The following ARTN variants were observed in gnomAD, a reference collection of about 807,000 sequenced individuals.
ARTN encodes neublastin.
Under a neutral mutation model 15.4 loss-of-function variants are expected in ARTN, and 9 were observed. The observed-to-expected ratio is 0.58, with a 90% CI of 0.35 to 1.02. ARTN has a LOEUF of 1.02. Ranked by LOEUF, ARTN falls within the 50% of genes least tolerant of loss-of-function variation. The probability of loss-of-function intolerance (pLI) is 0.02; values close to 1 mark genes in which losing one functional copy is unlikely to be tolerated. For synonymous variants in ARTN, 163 were observed against 155.8 expected, an observed-to-expected ratio of 1.05 and a Z score of -0.35; for missense variants, 284 against 327.9, an observed-to-expected ratio of 0.87 and a Z score of 1.03.
chr1:43,935,100 G>A (rs2085077431), intron 2 of ARTN, among the ~76,000 whole-genome samples: 1 of 152,210 alleles, frequency 6.6e-6, no homozygotes, highest in Non-Finnish European at 1.5e-5. Context: ...CTCTGGGTGG[G>A]CAGCACAGGC....
chr1:43,936,155 G>C lies in ARTN; in HGVS notation c.123G>C (p.Leu41=). 2 of 1,583,064 alleles carry C rather than the reference G, an allele frequency of 1.3e-6. No homozygotes were observed. Among genetic ancestry groups the C allele is most frequent in the Admixed American group, 3.5e-5 (2 of 57,938 alleles). The part of the protein sequence containing the change: ...ALLSSVAEAS[L]GSAPRSPAPR... ...TGAGCAGCGTCGCAGAGGCCTCCCT[G>C]GGCTCCGCGCCCCGCAGCCCTGCCC... is the stretch of plus-strand genomic sequence containing the variant. The change falls in exon 4 of 5, where the codon CTG becomes CTC. Residue 41 remains leucine, a synonymous_variant. Transcript: ENST00000372359. This position sits in a 1 kb window ranked among gnomAD's most constrained non-coding sequence, Gnocchi z 6.6.
chr1:43,936,140 C>T lies in ARTN; in HGVS notation c.108C>T (p.Val36=). 6.2e-7 allele frequency: 1 copy of T among 1,600,164 alleles called. No homozygotes were observed. The highest frequency in any genetic ancestry group is 8.5e-7 in the Non-Finnish European group (1 of 1,178,274). The change falls in exon 4 of 5, where the codon GTC becomes GTT. Residue 36 remains valine (V), a synonymous_variant. Coordinates refer to ENST00000372359, the MANE Select transcript of ARTN (RefSeq NM_057091.3). This position sits in a 1 kb window ranked among gnomAD's most constrained non-coding sequence, Gnocchi z 6.6. ...TLAALALLSS[V]AEASLGSAPR... Reference sequence around the variant, plus strand: ...CCGCTCTGGCTCTGCTGAGCAGCGTCGCAGAGGCCTCCCTGGGCTCCGCGC... The same window carrying T: ...CCGCTCTGGCTCTGCTGAGCAGCGTTGCAGAGGCCTCCCTGGGCTCCGCGC...
rs528147108 is a variant in ARTN at position 43,934,561 on chromosome 1, A to C, written c.-68+301A>C. 4 of 152,720 alleles carry C rather than the reference A, an allele frequency of 2.6e-5. No individual in the cohort carries two copies. In the East Asian group the frequency reaches 7.7e-4, roughly 29 times the overall value. The allele number at this position is 152,720 out of a possible 1,614,324, so 9.5% of individuals were successfully genotyped here. A position where few individuals can be genotyped will look rare whatever the true frequency, so the allele number is the denominator to read the frequency against. On this transcript the variant is annotated intron_variant, in intron 2 of 4. Transcript: ENST00000372359. ...GGTGTGCAGGCATTCTGTGTGCTAA[A>C]GGATGGGGATGAGGGTGGTAGCTGG...
chr1:43,935,710 GCA>G lies in ARTN; in HGVS notation c.55_56del (p.Gln19AlafsTer229). ...CGCTGTCCCACTGCCCCTGGCCTAGGCAGCAGGTGAGTGGTTCTCCCAGTGAC... is the reference window on the plus strand; with the variant it reads ...CGCTGTCCCACTGCCCCTGGCCTAGGGCAGGTGAGTGGTTCTCCCAGTGAC... Reference protein sequence around the residue: ...STLSHCPWPRQQPALWPTLAA... With the variant: ...STLSHCPWPRXQPALWPTLAA... On this transcript the variant is annotated frameshift_variant, in exon 3 of 5. Transcript: ENST00000372359. LOFTEE classifies it high-confidence loss of function. The G allele has an allele frequency of 6.2e-7, 1 of 1,612,236 alleles. No individual in the cohort carries two copies. Among genetic ancestry groups the G allele is most frequent in the South Asian group, 1.1e-5 (1 of 90,708 alleles).
Position 43,936,633 on chromosome 1 carries a change from C to T in ARTN, c.531C>T (p.Pro177=). The change falls in exon 5 of 5, where the codon CCC becomes CCT. Residue 177 remains proline (P), a synonymous_variant. Coordinates refer to ENST00000372359, the MANE Select transcript of ARTN (RefSeq NM_057091.3). The surrounding 1 kb of genome is among the most constrained non-coding windows in gnomAD (Gnocchi z 6.6). ...TGGGCGCCGGGGCCCTGCGACCGCC[C>T]CCGGGCTCCCGGCCCGTCAGCCAGC... is the stretch of plus-strand genomic sequence containing the variant. ...SLLGAGALRP[P]PGSRPVSQPC... 1 of 1,594,192 alleles carries T rather than the reference C, an allele frequency of 6.3e-7. No individual in the cohort carries two copies. The highest frequency in any genetic ancestry group is 8.5e-7 in the Non-Finnish European group (1 of 1,170,992).
At position 43,936,191 on chromosome 1, in the gene ARTN, C is replaced by T. The variant is rs750478855; in HGVS notation, c.159C>T (p.Gly53=). The change falls in exon 4 of 5, where the codon GGC becomes GGT. Residue 53 remains glycine, a synonymous_variant. Transcript: ENST00000372359. This position sits in a 1 kb window ranked among gnomAD's most constrained non-coding sequence, Gnocchi z 6.6. The stretch of plus-strand genomic sequence containing the variant: ...CCCGCAGCCCTGCCCCCCGCGAAGG[C>T]CCCCCGCCTGTCCTGGCGTCCCCCG... The part of the protein sequence containing the change: ...SAPRSPAPRE[G]PPPVLASPAG... 5 of 1,524,558 alleles carry T rather than the reference C, an allele frequency of 3.3e-6. No homozygotes were observed. In the South Asian group the frequency reaches 6.0e-5, roughly 18 times the overall value. 94.4% of individuals were successfully genotyped at this position (1,524,558 alleles called of 1,614,324 possible). A position where few individuals can be genotyped will look rare whatever the true frequency, so the allele number is the denominator to read the frequency against.
Position 43,936,512 on chromosome 1 carries a change from T to C in ARTN, c.410T>C (p.Leu137Pro). 1 of 1,454,710 alleles carries C rather than the reference T, an allele frequency of 6.9e-7. No homozygotes were observed. The highest frequency in any genetic ancestry group is 9.0e-7 in the Non-Finnish European group (1 of 1,109,178). 90.1% of individuals were successfully genotyped at this position (1,454,710 alleles called of 1,614,324 possible). A position where few individuals can be genotyped will look rare whatever the true frequency, so the allele number is the denominator to read the frequency against. ...SQLVPVRALG[L>P]GHRSDELVRF... ...CTGGTGCCGGTGCGCGCGCTCGGCC[T>C]GGGCCACCGCTCCGACGAGCTGGTG... The change falls in exon 5 of 5, where the codon CTG becomes CCG. Residue 137 changes from leucine (L) to proline (P), a missense_variant. Coordinates refer to ENST00000372359, the MANE Select transcript of ARTN (RefSeq NM_057091.3). The surrounding 1 kb of genome is among the most constrained non-coding windows in gnomAD (Gnocchi z 6.6).
In ARTN at chr1:43,934,132, G is replaced by T. The variant is rs1017811696; in HGVS notation, c.-196G>T. 1 of 152,796 alleles carries T rather than the reference G, an allele frequency of 6.5e-6. No homozygotes were observed. Among genetic ancestry groups the T allele is most frequent in the Non-Finnish European group, 1.5e-5 (1 of 68,162 alleles). 9.5% of individuals were successfully genotyped at this position (152,796 alleles called of 1,614,324 possible). On this transcript the variant is annotated 5_prime_UTR_variant, in exon 2 of 5. Coordinates refer to ENST00000372359, the MANE Select transcript of ARTN (RefSeq NM_057091.3). ...TACAGGGTGCAGACTGGCTGCCAAG[G>T]CCACACTTTTGGCTAAAAGAGGCAC...
At position 43,937,014 on chromosome 1, in the gene ARTN, C is replaced by A; in HGVS notation, c.*249C>A. The A allele has an allele frequency of 4.8e-6, 2 of 414,032 alleles. No homozygotes were observed. The highest frequency in any genetic ancestry group is 8.1e-5 in the East Asian group (2 of 24,778). The allele number at this position is 414,032 out of a possible 1,614,324, so 25.6% of individuals were successfully genotyped here. On this transcript the variant is annotated 3_prime_UTR_variant, in exon 5 of 5. Coordinates refer to ENST00000372359, the MANE Select transcript of ARTN (RefSeq NM_057091.3). The stretch of plus-strand genomic sequence containing the variant: ...CAGAGACCTCAGCTATGGAGCCCTT[C>A]GGACCCACTTCTCACAGACTCTGGC...
In ARTN at chr1:43,936,052, C is replaced by T; in HGVS notation, c.61-41C>T. ...CTTCCTCCCCAAGCCCACCTGGGTG[C>T]CCTCTTTCTCCCTGAGGCTCCACTT... On this transcript the variant is annotated intron_variant, in intron 3 of 4. Transcript: ENST00000372359. This position sits in a 1 kb window ranked among gnomAD's most constrained non-coding sequence, Gnocchi z 6.6. The T allele has an allele frequency of 1.9e-6, 3 of 1,613,570 alleles. No individual in the cohort carries two copies. Among genetic ancestry groups the T allele is most frequent in the South Asian group, 1.1e-5 (1 of 90,972 alleles).
rs115858027 is a variant in ARTN at position 43,935,444 on chromosome 1, A to G, written c.-67-146A>G. The G allele has an allele frequency of 3.8e-4, 217 of 566,426 alleles. 2 individuals are homozygous for G. Among genetic ancestry groups the G allele is most frequent in the African/African-American group, 3.7e-3 (194 of 52,252 alleles). 35.1% of individuals were successfully genotyped at this position (566,426 alleles called of 1,614,324 possible). A position where few individuals can be genotyped will look rare whatever the true frequency, so the allele number is the denominator to read the frequency against. On this transcript the variant is annotated intron_variant, in intron 2 of 4. Coordinates refer to ENST00000372359, the MANE Select transcript of ARTN (RefSeq NM_057091.3). ...CATGGAGTTGTGAAAGAATAGCTGC[A>G]AAGCACCTAACACATAGTAAGGTTC... is the stretch of plus-strand genomic sequence containing the variant.
At position 43,936,089 on chromosome 1, in the gene ARTN, G is replaced by C. The variant is rs1281414553; in HGVS notation, c.61-4G>C. The C allele has an allele frequency of 1.2e-6, 2 of 1,612,064 alleles. No homozygotes were observed. The highest frequency in any genetic ancestry group is 1.7e-6 in the Non-Finnish European group (2 of 1,179,916). On this transcript the variant is annotated splice_region_variant and splice_polypyrimidine_tract_variant and intron_variant, in intron 3 of 4. Coordinates refer to ENST00000372359, the MANE Select transcript of ARTN (RefSeq NM_057091.3). This position sits in a 1 kb window ranked among gnomAD's most constrained non-coding sequence, Gnocchi z 6.6. ...CTGAGGCTCCACTTGGTCTCTCCGC[G>C]CAGCCTGCCCTGTGGCCCACCCTGG...
chr1:43,934,989 C>A (rs2085076366), intron 2 of ARTN, among the ~76,000 whole-genome samples: 1 of 152,188 alleles, frequency 6.6e-6, no homozygotes, highest in African/African-American at 2.4e-5. Flanking sequence ...CTCCCACCAT[C>A]CCCCGGCTCT....
In ARTN at chr1:43,936,592, A is replaced by G; in HGVS notation, c.490A>G (p.Ser164Gly). 1 of 1,586,262 alleles carries G rather than the reference A, an allele frequency of 6.3e-7. No homozygotes were observed. The highest frequency in any genetic ancestry group is 8.6e-7 in the Non-Finnish European group (1 of 1,168,042). Reference protein sequence around the residue: ...CRRARSPHDLSLASLLGAGAL... With the variant: ...CRRARSPHDLGLASLLGAGAL... ...CCGCGCGCGCTCTCCACACGACCTC[A>G]GCCTGGCCAGCCTACTGGGCGCCGG... The change falls in exon 5 of 5, where the codon AGC becomes GGC. Residue 164 changes from serine to glycine, a missense_variant. Ser to Gly is a moderately conservative substitution (Grantham distance 56). Transcript: ENST00000372359. The surrounding 1 kb of genome is among the most constrained non-coding windows in gnomAD (Gnocchi z 6.6).
At chr1:43,935,201 G>C (rs1311034921) in intron 2 of ARTN, among the ~76,000 whole-genome samples, 1 of 152,190 alleles carries the variant, frequency 6.6e-6, no homozygotes, top group Non-Finnish European at 1.5e-5. Context: ...CTCTCCGGCA[G>C]CCTGGGGTGA....
At chr1:43,934,860 T>A (rs3762422) in intron 2 of ARTN, among the ~76,000 whole-genome samples, 87,522 of 151,944 alleles carry the variant, frequency 0.58, 29,899 homozygotes, top group Non-Finnish European at 0.76. Context: ...CAGGCCTGAG[T>A]GTAGCTGAGG....
intron 2 of ARTN, among the ~76,000 whole-genome samples, chr1:43,934,872 G>A (rs2085074507): frequency 6.6e-6 from 1 of 152,182 alleles, no homozygotes; most frequent in African/African-American, 2.4e-5. Context: ...TAGCTGAGGG[G>A]ATGGAAAAGC....
Position 43,934,749 on chromosome 1 carries a change from G to A in ARTN, c.-68+489G>A, listed in dbSNP as rs146624756. ...GCATGACTAGGCTGCCAGATCCATA[G>A]GAGGCTGGGAGGGGGACAGACCTAG... is the stretch of plus-strand genomic sequence containing the variant. On this transcript the variant is annotated intron_variant, in intron 2 of 4. Transcript: ENST00000372359. Among the ~76,000 whole-genome samples, 445 of 152,296 alleles carry A rather than the reference G, an allele frequency of 2.9e-3. 2 individuals are homozygous for A. Among genetic ancestry groups the A allele is most frequent in the African/African-American group, 0.01 (428 of 41,564 alleles).
Position 43,936,609 on chromosome 1 carries a change from G to A in ARTN, c.507G>A (p.Leu169=), listed in dbSNP as rs765454863. Residue 169 remains leucine, a synonymous_variant, in exon 5 of 5, where the codon CTG becomes CTA. Coordinates refer to ENST00000372359, the MANE Select transcript of ARTN (RefSeq NM_057091.3). The surrounding 1 kb of genome is among the most constrained non-coding windows in gnomAD (Gnocchi z 6.6). ...ACGACCTCAGCCTGGCCAGCCTACT[G>A]GGCGCCGGGGCCCTGCGACCGCCCC... ...SPHDLSLASL[L]GAGALRPPPG... is the part of the protein sequence containing the mutation. 8 of 1,591,538 alleles carry A rather than the reference G, an allele frequency of 5.0e-6. No individual in the cohort carries two copies. The South Asian group carries it at 9.1e-5, about 18-fold the overall frequency.
Sources: allele counts gnomAD v4.1 joint callset (sites outside exome capture counted in the v4.1 genomes callset), GRCh38; gene constraint gnomAD v4.1.1; non-coding constraint Gnocchi (gnomAD v3.1); transcripts MANE v1.5; gene names NCBI Gene and HGNC (gene_info 2026-07-23, HGNC 2026-07-21).